Variants in EPSTI1 observed in about 807,000 individuals in gnomAD.
EPSTI1 encodes the protein epithelial stromal interaction 1.
EPSTI1 carries 66 observed loss-of-function variants against 49.9 expected under a neutral mutation model. The observed-to-expected ratio is 1.32, with a 90% CI of 1.08 to 1.62. The LOEUF is 1.62. EPSTI1 is among the 40% of genes most tolerant of loss of function. The pLI, the probability that EPSTI1 is intolerant of heterozygous loss-of-function variation, is 0.00. For missense variants in EPSTI1, 394 were observed against 365.5 expected (o/e 1.08, Z -0.64); for synonymous variants, 137 against 130.7 (o/e 1.05, Z -0.33).
chr13:42,973,250 A>G (rs2039807748), intron 1 of EPSTI1, among the ~76,000 whole-genome samples: 2 of 152,232 alleles, frequency 1.3e-5, no homozygotes, highest in Admixed American at 6.5e-5. Flanking sequence ...GACTTCAGTC[A>G]ATCTATGGCC....
intron 6 of EPSTI1, among the ~76,000 whole-genome samples, chr13:42,933,211 A>G (rs2038436008): frequency 6.6e-6 from 1 of 151,790 alleles, no homozygotes; most frequent in South Asian, 2.1e-4. Context: ...CTATGGTTGT[A>G]TAAGATATTA....
chr13:42,914,827 AAAGG>A (rs2037785589), intron 8 of EPSTI1, among the ~76,000 whole-genome samples: 1 of 152,214 alleles, frequency 6.6e-6, no homozygotes, highest in Non-Finnish European at 1.5e-5. Context: ...TCTGACAAAA[AAAGG>A]AAGCATCCAA....
intron 8 of EPSTI1, among the ~76,000 whole-genome samples, chr13:42,909,254 T>G (rs554062013): frequency 1.3e-5 from 2 of 152,078 alleles, no homozygotes; most frequent in South Asian, 4.2e-4. Context: ...TCACCCCCAT[T>G]ACAAGGCTAT....
intron 2 of EPSTI1, chr13:42,970,066 T>G (rs2039729762): frequency 6.6e-6 from 1 of 152,388 alleles, no homozygotes; most frequent in Admixed American, 6.5e-5. Context: ...TTTGTGCCTT[T>G]CTGTCCATCA....
chr13:42,987,791 C>T (rs1303695661), intron 1 of EPSTI1, among the ~76,000 whole-genome samples: 1 of 152,062 alleles, frequency 6.6e-6, no homozygotes, highest in African/African-American at 2.4e-5. Context: ...GTTATTTGTT[C>T]CTAGTTTTTA....
intron 8 of EPSTI1, among the ~76,000 whole-genome samples, chr13:42,904,812 T>G (rs944489213): frequency 6.6e-6 from 1 of 152,002 alleles, no homozygotes; most frequent in Non-Finnish European, 1.5e-5. Context: ...AAATAGAAAA[T>G]ATATACATAC....
In EPSTI1 at chr13:42,955,284, C is replaced by T. The variant is rs139396862; in HGVS notation, c.490-1263G>A. ...CCCTCCAGGGTGGGGACTGGGGGGT[C>T]GTGGTGGATCTAAAAGGGTGAAAGA... On this transcript the variant is annotated intron_variant, in intron 5 of 10. Coordinates refer to ENST00000313624, the MANE Select transcript of EPSTI1 (RefSeq NM_033255.5). Among the ~76,000 whole-genome samples the T allele has an allele frequency of 3.4e-3, 523 of 152,016 alleles. 1 individual carries two copies. The highest frequency in any genetic ancestry group is 5.0e-3 in the Non-Finnish European group (339 of 67,962).
chr13:42,950,025 A>G (rs2039048262), intron 6 of EPSTI1, among the ~76,000 whole-genome samples: 1 of 152,238 alleles, frequency 6.6e-6, no homozygotes, highest in South Asian at 2.1e-4. Flanking sequence ...AAGGTATCAC[A>G]CATGAATTTT....
At chr13:42,939,438 A>T (rs1372993983) in intron 6 of EPSTI1, among the ~76,000 whole-genome samples, 2 of 152,200 alleles carry the variant, frequency 1.3e-5, no homozygotes, top group Admixed American at 1.3e-4. Flanking sequence ...GAGACATGTG[A>T]TATTTCCTTT....
chr13:42,894,182 T>G (rs139219076), intron 10 of EPSTI1, among the ~76,000 whole-genome samples: 1 of 152,228 alleles, frequency 6.6e-6, no homozygotes, highest in Admixed American at 6.5e-5. Context: ...TCAAACATGA[T>G]CTTTTGTCTG....
In EPSTI1 at chr13:42,960,222, G is replaced by C. The variant is rs201687054; in HGVS notation, c.489+3033C>G. On this transcript the variant is annotated intron_variant, in intron 5 of 10. Transcript: ENST00000313624. ...GAATAAGATGAACCCAGGAAATTGA[G>C]AGAGTCTTTAAAATGGAGTTAGAAG... Among the ~76,000 whole-genome samples, 3 of 152,126 alleles carry C rather than the reference G, an allele frequency of 2.0e-5. No homozygotes were observed. The East Asian group carries it at 5.8e-4, about 29-fold the overall frequency.
chr13:42,942,062 AT>A (rs2038770780), intron 6 of EPSTI1, among the ~76,000 whole-genome samples: 1 of 152,132 alleles, frequency 6.6e-6, no homozygotes, highest in Non-Finnish European at 1.5e-5. Flanking sequence ...TGTGACTTGC[AT>A]TTTCCTTTGG....
chr13:42,975,441 T>C (rs2039862344), intron 1 of EPSTI1, among the ~76,000 whole-genome samples: 1 of 152,234 alleles, frequency 6.6e-6, no homozygotes, highest in Non-Finnish European at 1.5e-5. Flanking sequence ...TGATTAGTTC[T>C]TTCATCAGCA....
chr13:42,969,268 G>T, intron 2 of EPSTI1, 91 bp from the exon 3 acceptor site: 2 of 1,240,466 alleles, frequency 1.6e-6, no homozygotes, highest in Admixed American at 4.2e-5. Context: ...CTATTAGAAG[G>T]CAATTAACTA....
intron 6 of EPSTI1, among the ~76,000 whole-genome samples, chr13:42,938,101 A>AT (rs2038625174): frequency 6.6e-6 from 1 of 151,876 alleles, no homozygotes; most frequent in Non-Finnish European, 1.5e-5. Context: ...TTTCTTCCCA[A>AT]ACCTTGGTTC....
At chr13:42,937,918 C>T (rs773490969) in intron 6 of EPSTI1, among the ~76,000 whole-genome samples, 3 of 152,194 alleles carry the variant, frequency 2.0e-5, no homozygotes, top group Admixed American at 6.5e-5. Flanking sequence ...GAATCACCAT[C>T]TATAGCCTTT....
At chr13:42,950,509 A>G (rs1451679572) in intron 6 of EPSTI1, among the ~76,000 whole-genome samples, 2 of 152,358 alleles carry the variant, frequency 1.3e-5, no homozygotes, top group East Asian at 1.9e-4. Flanking sequence ...AACACTAAAA[A>G]TAATCAGAAG....
chr13:42,910,257 C>CTTTTTTT (rs71099807), intron 8 of EPSTI1, among the ~76,000 whole-genome samples: 1 of 97,642 alleles, frequency 1.0e-5, no homozygotes, highest in African/African-American at 4.1e-5. Context: ...TTAACCAAAT[C>CTTTTTTT]TTTTTTTTTT....
intron 3 of EPSTI1, among the ~76,000 whole-genome samples, chr13:42,967,350 T>G (rs968081141): frequency 6.7e-6 from 1 of 148,826 alleles, no homozygotes; most frequent in African/African-American, 2.5e-5. Context: ...TTTTTAAGAG[T>G]CTGAGGGTCT....
Sources: gnomAD v4.1 joint callset for allele counts (sites outside exome capture counted in the v4.1 genomes callset) on GRCh38, gnomAD v4.1.1 for gene constraint, MANE v1.5 for transcripts, NCBI Gene and HGNC (gene_info 2026-07-23, HGNC 2026-07-21) for gene names.